BAZ2B: variants seen among roughly 807,000 people sequenced by gnomAD.
BAZ2B encodes bromodomain adjacent to zinc finger domain protein 2B.
A neutral mutation model predicts 246.0 loss-of-function variants in BAZ2B; 91 were observed. That is an observed-to-expected ratio of 0.37 (90% CI 0.31 to 0.44). BAZ2B has a LOEUF of 0.44. BAZ2B is among the 20% of genes least tolerant of loss of function. The pLI, the probability that BAZ2B is intolerant of heterozygous loss-of-function variation, is 1.00. For synonymous variants in BAZ2B, 855 were observed against 860.0 expected, an observed-to-expected ratio of 0.99 and a Z score of 0.10; for missense variants, 2,332 against 2,533.7, an observed-to-expected ratio of 0.92 and a Z score of 1.71.
chr2:159,706,344 T>C, the BAZ2B span, among the ~76,000 whole-genome samples: 2 of 152,202 alleles, frequency 1.3e-5, no homozygotes, highest in Non-Finnish European at 2.9e-5. Flanking sequence ...TACACAAATG[T>C]GGACACGAAA....
At chr2:159,481,102 T>C (rs2079176345) in intron 2 of BAZ2B, among the ~76,000 whole-genome samples, 1 of 152,090 alleles carries the variant, frequency 6.6e-6, no homozygotes. Flanking sequence ...AAATCCACTC[T>C]AGCCTTTGCA....
At chr2:159,400,544 G>T in intron 17 of BAZ2B, 55 bp downstream of exon 17, 4 of 1,104,294 alleles carry the variant, frequency 3.6e-6, no homozygotes, top group South Asian at 2.8e-5. Flanking sequence ...TATTTTTGCA[G>T]ACTTAAAAAT....
chr2:159,689,657 C>T, the BAZ2B span: 2 of 313,214 alleles, frequency 6.4e-6, no homozygotes, highest in Non-Finnish European at 1.2e-5. Context: ...GAGGCATGAG[C>T]CACTGTTCCT....
In BAZ2B at chr2:159,391,594, C is replaced by CA. The variant is rs1485268276; in HGVS notation, c.3076-2110dup. ...TGCTCTTTTCACTGTGCCAACTTCCCACTGGTAGCAATCCTGGAGGTACAT... is the reference window on the plus strand; with the variant it reads ...TGCTCTTTTCACTGTGCCAACTTCCCAACTGGTAGCAATCCTGGAGGTACAT... On this transcript the variant is annotated intron_variant, in intron 20 of 36. Coordinates refer to ENST00000392783, the MANE Select transcript of BAZ2B (RefSeq NM_013450.4). 2.0e-5 allele frequency among the ~76,000 whole-genome samples: 3 copies of CA among 152,076 alleles called. No homozygotes were observed. In the East Asian group the frequency reaches 5.8e-4, roughly 29 times the overall value.
intron 3 of BAZ2B, chr2:159,461,017 T>C (rs553810330): frequency 6.6e-6 from 1 of 152,652 alleles, no homozygotes; most frequent in East Asian, 1.9e-4. Context: ...TGACAAATAA[T>C]ACAAATATAT....
downstream of BAZ2B, among the ~76,000 whole-genome samples, chr2:159,317,756 C>CT (rs552227295): frequency 1.5e-3 from 224 of 145,834 alleles, no homozygotes; most frequent in Non-Finnish European, 2.4e-3. Context: ...TTAGGATAAT[C>CT]TTTTTTTTTT....
At chr2:159,619,170 T>C (rs1696329038), upstream of BAZ2B, among the ~76,000 whole-genome samples, 1 of 152,012 alleles carries the variant, frequency 6.6e-6, no homozygotes, top group Non-Finnish European at 1.5e-5. Flanking sequence ...CCCTGAGTAA[T>C]TTTAGAATCA....
In BAZ2B at chr2:159,561,337, C is replaced by G. The variant is rs141399898; in HGVS notation, c.-45-5472G>C. 6.1e-3 allele frequency among the ~76,000 whole-genome samples: 930 copies of G among 152,284 alleles called. 8 individuals are homozygous for G. The highest frequency in any genetic ancestry group is 0.021 in the African/African-American group (885 of 41,548). ...CACCTTTGGGTTTGGTCCCTCTCAC[C>G]CATGCCAGCTTTCCCTTTGACCTTC... On this transcript the variant is annotated intron_variant, in intron 1 of 36. Transcript: ENST00000392783.
At chr2:159,661,837 T>C in the BAZ2B span, among the ~76,000 whole-genome samples, 1 of 152,134 alleles carries the variant, frequency 6.6e-6, no homozygotes, top group Non-Finnish European at 1.5e-5. Context: ...TCTCGAACTC[T>C]TGCGCTCAAG....
At chr2:159,583,305 G>T (rs1249985883) in intron 1 of BAZ2B, among the ~76,000 whole-genome samples, 1 of 151,988 alleles carries the variant, frequency 6.6e-6, no homozygotes, top group Admixed American at 6.6e-5. Context: ...AGTAGAGACA[G>T]GGTTTCGCCA....
At chr2:159,675,992 T>G in the BAZ2B span, among the ~76,000 whole-genome samples, 1 of 152,116 alleles carries the variant, frequency 6.6e-6, no homozygotes, top group Non-Finnish European at 1.5e-5. Flanking sequence ...ACCCCCCAGG[T>G]TCAGGTGATT....
At chr2:159,341,198 A>G (rs2066638463) in intron 31 of BAZ2B, among the ~76,000 whole-genome samples, 1 of 152,138 alleles carries the variant, frequency 6.6e-6, no homozygotes, top group Non-Finnish European at 1.5e-5. Context: ...GCAAATGAAA[A>G]CCAAAAGTGA....
chr2:159,358,351 CA>C (rs1365500136), intron 27 of BAZ2B, among the ~76,000 whole-genome samples: 2 of 151,510 alleles, frequency 1.3e-5, no homozygotes, highest in African/African-American at 4.9e-5. Context: ...CAACAAAGAT[CA>C]AAAGAGACAA....
At chr2:159,519,205 A>ATTTTTTTT (rs2083771094) in intron 2 of BAZ2B, among the ~76,000 whole-genome samples, 1 of 56,486 alleles carries the variant, frequency 1.8e-5, no homozygotes, top group Non-Finnish European at 3.6e-5. Context: ...TTCATATTCT[A>ATTTTTTTT]TTTTCTTTTT....
intron 29 of BAZ2B, 30 bp from the exon 30 acceptor site, chr2:159,348,863 AC>A: frequency 6.3e-7 from 1 of 1,574,820 alleles, no homozygotes; most frequent in Non-Finnish European, 8.6e-7. Context: ...TAGAACTTTT[AC>A]AAATATTTTG....
At chr2:159,578,670 T>G (rs1169716888) in intron 1 of BAZ2B, among the ~76,000 whole-genome samples, 1 of 152,174 alleles carries the variant, frequency 6.6e-6, no homozygotes, top group Non-Finnish European at 1.5e-5. Context: ...ACCACACAGT[T>G]GGAAGTAAAG....
At chr2:159,696,425 T>C in the BAZ2B span, among the ~76,000 whole-genome samples, 2 of 152,168 alleles carry the variant, frequency 1.3e-5, no homozygotes, top group African/African-American at 4.8e-5. Flanking sequence ...TCAGAGGGCA[T>C]TTATCCCTTC....
intron 2 of BAZ2B, among the ~76,000 whole-genome samples, chr2:159,499,905 ACT>A (rs1392790644): frequency 6.6e-6 from 1 of 151,530 alleles, no homozygotes; most frequent in African/African-American, 2.4e-5. Flanking sequence ...TTCCTTGTAG[ACT>A]CTGGATATTA....
chr2:159,630,393 T>C, the BAZ2B span, among the ~76,000 whole-genome samples: 1 of 152,218 alleles, frequency 6.6e-6, no homozygotes, highest in African/African-American at 2.4e-5. Context: ...CTTACTTGTA[T>C]GTGAAGTTGG....
Sources: allele counts gnomAD v4.1 joint callset (sites outside exome capture counted in the v4.1 genomes callset), GRCh38; gene constraint gnomAD v4.1.1; transcripts MANE v1.5; gene names NCBI Gene and HGNC (gene_info 2026-07-23, HGNC 2026-07-21).